NBEA: variants seen among roughly 807,000 people sequenced by gnomAD.
NBEA encodes neurobeachin.
NBEA carries 44 observed loss-of-function variants against 343.4 expected under a neutral mutation model. The ratio of observed to expected loss-of-function variants is 0.13; its 90% CI spans 0.10 to 0.16. NBEA has a LOEUF of 0.16. Among genes scored for constraint, NBEA ranks in the 10% least tolerant of loss-of-function variants. The probability of loss-of-function intolerance (pLI) is 1.00; values close to 1 mark genes in which losing one functional copy is unlikely to be tolerated. For synonymous variants in NBEA, 1,175 were observed against 1,238.7 expected (o/e 0.95, Z 1.08); for missense variants, 2,555 against 3,631.3 (o/e 0.70, Z 7.62).
At chr13:35,283,577 A>G (rs1187340053) in intron 34 of NBEA, among the ~76,000 whole-genome samples, 1 of 152,194 alleles carries the variant, frequency 6.6e-6, no homozygotes, top group Non-Finnish European at 1.5e-5. Flanking sequence ...GACTTTTGAT[A>G]AGCCAGATGC....
intron 1 of NBEA, among the ~76,000 whole-genome samples, chr13:35,026,466 C>A (rs2062023165): frequency 6.6e-6 from 1 of 152,040 alleles, no homozygotes; most frequent in African/African-American, 2.4e-5. Context: ...GTATGGGGCA[C>A]TTTCTGTTTT....
At chr13:35,652,534 G>A (rs867615722) in intron 53 of NBEA, among the ~76,000 whole-genome samples, 10 of 149,346 alleles carry the variant, frequency 6.7e-5, no homozygotes, top group East Asian at 2.0e-4. Flanking sequence ...CCAGCTACTC[G>A]GGAGGCTGAG....
Position 35,100,041 on chromosome 13 carries a change from A to G in NBEA, c.1680+1636A>G, listed in dbSNP as rs187557085. ...GTGAGATCTCAACTAAGGGATAAAC[A>G]TATTTCCTTTGCAAAAAAATTGAGA... is the stretch of plus-strand genomic sequence containing the variant. On this transcript the variant is annotated intron_variant, in intron 11 of 58. Transcript: ENST00000379939. Among the ~76,000 whole-genome samples, 27 of 152,244 alleles carry G rather than the reference A, an allele frequency of 1.8e-4. No individual in the cohort carries two copies. In the East Asian group the frequency reaches 5.0e-3, roughly 28 times the overall value.
intron 33 of NBEA, among the ~76,000 whole-genome samples, chr13:35,222,036 A>G (rs2074397184): frequency 6.6e-6 from 1 of 152,064 alleles, no homozygotes; most frequent in Admixed American, 6.6e-5. Flanking sequence ...CAGCAGGAGA[A>G]TTTGCCTATT....
chr13:35,393,672 A>G (rs995719804), intron 38 of NBEA, among the ~76,000 whole-genome samples: 24 of 152,126 alleles, frequency 1.6e-4, no homozygotes, highest in Non-Finnish European at 3.2e-4. Flanking sequence ...AATGGTACCA[A>G]TGATATCCAA....
chr13:35,525,746 G>A (rs2152995246), intron 41 of NBEA, among the ~76,000 whole-genome samples: 1 of 152,218 alleles, frequency 6.6e-6, no homozygotes, highest in Admixed American at 6.5e-5. Context: ...ATTGCTTATA[G>A]TTGTGGAGGC....
rs117827137 is a variant in NBEA, at chr13:35,516,745, A to G, written c.6586-33732A>G. On this transcript the variant is annotated intron_variant, in intron 41 of 58. Transcript: ENST00000379939. Reference sequence around the variant, plus strand: ...CTCTGCCTTATCTTTTCTGTAGAGTAAGGGAAAAGAAACTAACATTTCCCA... The same window carrying G: ...CTCTGCCTTATCTTTTCTGTAGAGTGAGGGAAAAGAAACTAACATTTCCCA... Among the ~76,000 whole-genome samples, 313 of 152,342 alleles carry G rather than the reference A, an allele frequency of 2.1e-3. 17 individuals are homozygous for G. The East Asian group carries it at 0.056, about 27-fold the overall frequency.
intron 40 of NBEA, among the ~76,000 whole-genome samples, chr13:35,465,984 T>C (rs2075370963): frequency 6.6e-6 from 1 of 152,154 alleles, no homozygotes; most frequent in Admixed American, 6.5e-5. Context: ...GGATTTTAGA[T>C]AATAGTGTAA....
intron 41 of NBEA, among the ~76,000 whole-genome samples, chr13:35,478,832 C>T (rs1483520170): frequency 6.6e-6 from 1 of 152,228 alleles, no homozygotes; most frequent in African/African-American, 2.4e-5. Context: ...TGCAGAACAC[C>T]CTTGGTTGTC....
intron 35 of NBEA, among the ~76,000 whole-genome samples, chr13:35,306,191 G>A (rs1159369310): frequency 6.6e-6 from 1 of 151,834 alleles, no homozygotes; most frequent in Non-Finnish European, 1.5e-5. Flanking sequence ...TTTCCTGCAA[G>A]CCTCTTCCTT....
intron 8 of NBEA, 113 bp from the exon 9 acceptor site, chr13:35,069,795 A>G (rs1299452045): frequency 1.8e-5 from 11 of 623,432 alleles, no homozygotes; most frequent in Non-Finnish European, 2.8e-5. Flanking sequence ...ATAGTCCCTG[A>G]CACATGAAAG....
At chr13:35,382,335 T>C (rs1029814467) in intron 38 of NBEA, among the ~76,000 whole-genome samples, 3 of 152,166 alleles carry the variant, frequency 2.0e-5, no homozygotes, top group Non-Finnish European at 4.4e-5. Flanking sequence ...CATTTCCTTT[T>C]TGGCTGTTGT....
chr13:34,992,108 C>T (rs1190214211), intron 1 of NBEA, among the ~76,000 whole-genome samples: 1 of 148,964 alleles, frequency 6.7e-6, no homozygotes, highest in Admixed American at 6.7e-5. Flanking sequence ...GCTGCTGAAC[C>T]TTGTCTTTTT....
chr13:35,254,229 A>G (rs866426493), intron 34 of NBEA, among the ~76,000 whole-genome samples: 2 of 151,984 alleles, frequency 1.3e-5, no homozygotes, highest in South Asian at 4.1e-4. Flanking sequence ...CAGAATCTTC[A>G]GGGGTAATAT....
At chr13:35,011,190 G>T (rs1034872521) in intron 1 of NBEA, among the ~76,000 whole-genome samples, 4 of 152,070 alleles carry the variant, frequency 2.6e-5, no homozygotes, top group African/African-American at 9.7e-5. Flanking sequence ...AGGGTTAATA[G>T]ATAGAACATA....
At chr13:35,284,861 A>T (rs933492324) in intron 34 of NBEA, among the ~76,000 whole-genome samples, 9 of 152,262 alleles carry the variant, frequency 5.9e-5, no homozygotes, top group African/African-American at 2.2e-4. Context: ...ATAGTAGAAA[A>T]TATCAGAAAT....
At chr13:35,564,546 A>G (rs571178184) in intron 44 of NBEA, among the ~76,000 whole-genome samples, 1 of 152,206 alleles carries the variant, frequency 6.6e-6, no homozygotes, top group Non-Finnish European at 1.5e-5. Context: ...ATGAACTATT[A>G]GTAATAAATT....
intron 38 of NBEA, among the ~76,000 whole-genome samples, chr13:35,359,552 A>G (rs2040690120): frequency 6.6e-6 from 1 of 152,046 alleles, no homozygotes; most frequent in Non-Finnish European, 1.5e-5. Flanking sequence ...TTTTACATCT[A>G]TCTTTGGATT....
At chr13:35,127,081 G>A (rs907604188) in intron 17 of NBEA, among the ~76,000 whole-genome samples, 5 of 152,016 alleles carry the variant, frequency 3.3e-5, no homozygotes, top group African/African-American at 1.2e-4. Context: ...TGTTTGCCAG[G>A]GAAAACTGAC....
Sources: gnomAD v4.1 joint callset for allele counts (sites outside exome capture counted in the v4.1 genomes callset) on GRCh38, gnomAD v4.1.1 for gene constraint, MANE v1.5 for transcripts, NCBI Gene and HGNC (gene_info 2026-07-23, HGNC 2026-07-21) for gene names.